ELN: variants seen among roughly 807,000 people sequenced by gnomAD.
The protein encoded by ELN is tropoelastin.
Under a neutral mutation model 105.8 loss-of-function variants are expected in ELN, and 65 were observed. That is an observed-to-expected ratio of 0.61 (90% CI 0.50 to 0.75). ELN has a LOEUF of 0.75. ELN is among the 30% of genes least tolerant of loss of function. The probability of loss-of-function intolerance (pLI) is 0.00; values close to 1 mark genes in which losing one functional copy is unlikely to be tolerated. For missense variants in ELN, 882 were observed against 969.4 expected, an observed-to-expected ratio of 0.91 and a Z score of 1.20; for synonymous variants, 368 against 389.2, an observed-to-expected ratio of 0.95 and a Z score of 0.64.
chr7:74,052,615 C>CAGGA lies in ELN; in HGVS notation c.950-526_950-523dup, dbSNP rs532589953. The stretch of plus-strand genomic sequence containing the variant: ...GGAAAGAGAGACAGAAAGAGAGAGA[C>CAGGA]AGGAAGGAAGGAAGGAAGGAAGGAA... On this transcript the variant is annotated intron_variant, in intron 17 of 32. Coordinates refer to ENST00000252034, the MANE Select transcript of ELN (RefSeq NM_000501.4). 8.6e-3 allele frequency: 1,216 copies of CAGGA among 141,408 alleles called. 33 individuals are homozygous for CAGGA. In the East Asian group the frequency reaches 0.13, roughly 15 times the overall value. 8.8% of individuals were successfully genotyped at this position (141,408 alleles called of 1,614,324 possible). A position where few individuals can be genotyped will look rare whatever the true frequency, so the allele number is the denominator to read the frequency against.
At chr7:74,035,537 C>T in intron 2 of ELN, 123 bp downstream of exon 2, 1 of 1,173,102 alleles carries the variant, frequency 8.5e-7, no homozygotes, top group Non-Finnish European at 1.3e-6. Context: ...GTCACACCCA[C>T]TTAAAAATGC....
At chr7:74,054,601 T>C (rs1297171720) in intron 18 of ELN, 115 bp from the exon 19 acceptor site, 1 of 1,074,524 alleles carries the variant, frequency 9.3e-7, no homozygotes, top group Non-Finnish European at 1.4e-6. Context: ...TAGCCAACTC[T>C]ATGTTGGCAT....
chr7:74,048,302 C>T, intron 14 of ELN, 101 bp downstream of exon 14: 1 of 1,562,226 alleles, frequency 6.4e-7, no homozygotes, highest in Non-Finnish European at 8.8e-7. Flanking sequence ...CAGCAGCCCA[C>T]CCTGCATCCA....
In ELN at chr7:74,060,439, T is replaced by G. The variant is rs1554683572; in HGVS notation, c.1685T>G (p.Leu562Arg). The G allele has an allele frequency of 6.2e-7, 1 of 1,613,766 alleles. No individual in the cohort carries two copies. Among genetic ancestry groups the G allele is most frequent in the Admixed American group, 1.7e-5 (1 of 60,030 alleles). ...GGAGTTGGTGTCGGCGTCCCTGGAC[T>G]TGGAGTTGGTGCTGGTGTTCCTGGA... ...GLGVGVGVPGLGVGAGVPGLG... is the reference protein window; with the variant it reads ...GLGVGVGVPGRGVGAGVPGLG... Residue 562 changes from leucine (L) to arginine (R), a missense_variant, in exon 25 of 33, where the codon CTT becomes CGT. Coordinates refer to ENST00000252034, the MANE Select transcript of ELN (RefSeq NM_000501.4).
chr7:74,056,347 C>CGGAGTCGGAGGTATCCCT lies in ELN; in HGVS notation c.1235_1252dup (p.Gly412_Val417dup), dbSNP rs1795216515. The CGGAGTCGGAGGTATCCCT allele has an allele frequency of 6.2e-7, 1 of 1,613,398 alleles. No individual in the cohort carries two copies. On this transcript the variant is annotated inframe_insertion, in exon 20 of 33. Transcript: ENST00000252034. ...CTGGGGGCTTTCCCGGCTTTGGTGT[C>CGGAGTCGGAGGTATCCCT]GGAGTCGGAGGTATCCCTGGAGTCG...
chr7:74,042,906 G>A, intron 6 of ELN, 78 bp from the exon 7 acceptor site: 1 of 1,610,168 alleles, frequency 6.2e-7, no homozygotes, highest in South Asian at 1.1e-5. Flanking sequence ...TCAATGCTGG[G>A]CCCTCAGCAT....
chr7:74,056,194 A>G (rs1795185341), intron 19 of ELN, 77 bp from the exon 20 acceptor site: 11 of 1,583,664 alleles, frequency 6.9e-6, no homozygotes, highest in Admixed American at 1.7e-5. Context: ...CTCTTTCCCA[A>G]TCCATCAGCA....
In ELN at chr7:74,051,935, C is replaced by CCAGATG. The variant is rs1794136323; in HGVS notation, c.904_905insATGCAG (p.Pro301_Ala302insAspAla). The CCAGATG allele has an allele frequency of 1.2e-6, 2 of 1,613,506 alleles. No homozygotes were observed. Among genetic ancestry groups the CCAGATG allele is most frequent in the African/African-American group, 2.7e-5 (2 of 74,916 alleles). On this transcript the variant is annotated inframe_insertion, in exon 17 of 33. Transcript: ENST00000252034. ...GGCTGTGTTTTCAGGCGTTGGGACTCCAGCTGCAGCTGCAGCTGCAGCAGC... is the reference window on the plus strand; with the variant it reads ...GGCTGTGTTTTCAGGCGTTGGGACTCCAGATGCAGCTGCAGCTGCAGCTGCAGCAGC...
At chr7:74,045,084 C>T in intron 9 of ELN, 138 bp from the exon 10 acceptor site, 1 of 914,110 alleles carries the variant, frequency 1.1e-6, no homozygotes, top group South Asian at 1.3e-5. Flanking sequence ...GGTCCTTTCT[C>T]CACCCACCCC....
intron 4 of ELN, among the ~76,000 whole-genome samples, chr7:74,038,722 C>A (rs1584509240): frequency 1.3e-5 from 2 of 152,264 alleles, no homozygotes; most frequent in Admixed American, 6.5e-5. Context: ...AAGCCCAAGT[C>A]TCCAGGACAC....
intron 4 of ELN, among the ~76,000 whole-genome samples, chr7:74,038,655 A>G (rs1408681269): frequency 1.3e-5 from 2 of 152,154 alleles, no homozygotes; most frequent in Non-Finnish European, 2.9e-5. Flanking sequence ...TCGGCATGAG[A>G]CGCTCCACAT....
chr7:74,045,205 G>A lies in ELN; in HGVS notation c.470-17G>A. On this transcript the variant is annotated splice_polypyrimidine_tract_variant and intron_variant, in intron 9 of 32. Transcript: ENST00000252034. ...CAAGGCCTGCCTTCCTACACTCACT[G>A]CTTTGTCCCCCGGCAGGAGCTCGGT... 1.2e-6 allele frequency: 2 copies of A among 1,613,854 alleles called. No homozygotes were observed. The highest frequency in any genetic ancestry group is 1.1e-5 in the South Asian group (1 of 91,092).
rs781852748 is a variant in ELN, at chr7:74,068,684, G to T, written c.2159G>T (p.Gly720Val). ...PGGACLGKAC[G>V]RKRK is the part of the protein sequence containing the mutation. ...GGGGCCTGCCTGGGGAAAGCTTGTG[G>T]CCGGAAGAGAAAATGAGCTTCCTAG... The change falls in exon 33 of 33, where the codon GGC becomes GTC. Residue 720 changes from glycine to valine, a missense_variant. Transcript: ENST00000252034. The T allele has an allele frequency of 6.2e-7, 1 of 1,614,118 alleles. No homozygotes were observed. The highest frequency in any genetic ancestry group is 8.5e-7 in the Non-Finnish European group (1 of 1,179,998).
chr7:74,057,697 G>T lies in ELN; in HGVS notation c.1414+1G>T, dbSNP rs1284902357. On this transcript the variant is annotated splice_donor_variant, in intron 22 of 32. Coordinates refer to ENST00000252034, the MANE Select transcript of ELN (RefSeq NM_000501.4). LOFTEE classifies it high-confidence loss of function. ...GCAGCCGCCAAAGCCGCCCAGTTTG[G>T]TAAGTCCCCCTCACCCCCGCCACTG... is the stretch of plus-strand genomic sequence containing the variant. 1.2e-6 allele frequency: 2 copies of T among 1,613,194 alleles called. No homozygotes were observed. Among genetic ancestry groups the T allele is most frequent in the African/African-American group, 2.7e-5 (2 of 75,004 alleles).
intron 12 of ELN, among the ~76,000 whole-genome samples, chr7:74,047,003 G>A (rs1792722901): frequency 6.6e-6 from 1 of 152,118 alleles, no homozygotes; most frequent in African/African-American, 2.4e-5. Context: ...AGAATCTCTT[G>A]AACCCAGAAG....
chr7:74,061,050 C>T, intron 25 of ELN, 51 bp from the exon 26 acceptor site: 1 of 1,612,396 alleles, frequency 6.2e-7, no homozygotes, highest in Non-Finnish European at 8.5e-7. Context: ...GCAGAACTCC[C>T]AGGCACAGAG....
chr7:74,060,569 G>A, intron 25 of ELN, 68 bp downstream of exon 25: 1 of 1,611,252 alleles, frequency 6.2e-7, no homozygotes, highest in Non-Finnish European at 8.5e-7. Context: ...CCTCCTCTCA[G>A]CACCTCCCCA....
chr7:74,034,354 G>T (rs1341424397), intron 1 of ELN, among the ~76,000 whole-genome samples: 1 of 152,150 alleles, frequency 6.6e-6, no homozygotes, highest in Non-Finnish European at 1.5e-5. Context: ...CTCAGACCCA[G>T]TGTCTTCCAC....
Position 74,063,741 on chromosome 7 carries a change from C to CGAGACAGAGATG in ELN, c.1993+57_1993+68dup, listed in dbSNP as rs782261587. Reference sequence around the variant, plus strand: ...AGTGAGTGTGTGTGGTGTGTGTATGCGAGACAGAGATGGAGACAGAGACAG... The same window carrying CGAGACAGAGATG: ...AGTGAGTGTGTGTGGTGTGTGTATGCGAGACAGAGATGGAGACAGAGATGGAGACAGAGACAG... On this transcript the variant is annotated intron_variant, in intron 29 of 32. Coordinates refer to ENST00000252034, the MANE Select transcript of ELN (RefSeq NM_000501.4). This position sits in a 1 kb window ranked among gnomAD's most constrained non-coding sequence, Gnocchi z 4.1. 1.9e-6 allele frequency: 3 copies of CGAGACAGAGATG among 1,610,224 alleles called. No individual in the cohort carries two copies. The highest frequency in any genetic ancestry group is 2.2e-5 in the East Asian group (1 of 44,888).
Sources: allele counts gnomAD v4.1 joint callset (sites outside exome capture counted in the v4.1 genomes callset), GRCh38; gene constraint gnomAD v4.1.1; non-coding constraint Gnocchi (gnomAD v3.1); transcripts MANE v1.5; gene names NCBI Gene and HGNC (gene_info 2026-07-23, HGNC 2026-07-21).